IQGAP1: variants seen among roughly 807,000 people sequenced by gnomAD.
The protein encoded by IQGAP1 is ras GTPase-activating-like protein IQGAP1.
IQGAP1 carries 66 observed loss-of-function variants against 215.6 expected under a neutral mutation model. The ratio of observed to expected loss-of-function variants is 0.31; its 90% CI spans 0.25 to 0.38. IQGAP1 has a LOEUF of 0.38. IQGAP1 is among the 10% of genes least tolerant of loss of function. The probability of loss-of-function intolerance (pLI) is 1.00; values close to 1 mark genes in which losing one functional copy is unlikely to be tolerated. For synonymous variants in IQGAP1, 772 were observed against 728.7 expected (o/e 1.06, Z -0.96); for missense variants, 1,712 against 1,997.1 (o/e 0.86, Z 2.72).
chr15:90,411,061 G>A (rs1351315568), intron 2 of IQGAP1, among the ~76,000 whole-genome samples: 1 of 151,664 alleles, frequency 6.6e-6, no homozygotes, highest in East Asian at 1.9e-4. Flanking sequence ...TTTGAATTTC[G>A]AACTGTGTAT....
At chr15:90,456,608 C>G (rs1965683779) in intron 15 of IQGAP1, among the ~76,000 whole-genome samples, 1 of 151,650 alleles carries the variant, frequency 6.6e-6, no homozygotes. Context: ...CGCAGTGGCT[C>G]ACGCCTTGTA....
intron 10 of IQGAP1, among the ~76,000 whole-genome samples, chr15:90,449,169 GT>G (rs1011182563): frequency 8.2e-4 from 119 of 144,412 alleles, no homozygotes; most frequent in African/African-American, 1.2e-3. Flanking sequence ...TATTTCGTGG[GT>G]TTTTTTTTTT....
At chr15:90,484,024 A>G (rs1484854633) in intron 29 of IQGAP1, among the ~76,000 whole-genome samples, 196 bp from the exon 30 acceptor site, 3 of 152,194 alleles carry the variant, frequency 2.0e-5, no homozygotes, top group African/African-American at 7.2e-5. Flanking sequence ...TAAAACTACA[A>G]ACTAGGTGGA....
At chr15:90,485,501 G>A (rs1366616577) in intron 30 of IQGAP1, among the ~76,000 whole-genome samples, 8 of 151,972 alleles carry the variant, frequency 5.3e-5, no homozygotes, top group Non-Finnish European at 1.2e-4. Flanking sequence ...GTGCAATGGC[G>A]CAATCTTGGC....
intron 11 of IQGAP1, 109 bp downstream of exon 11, chr15:90,449,752 T>A: frequency 1.2e-6 from 1 of 807,572 alleles, no homozygotes; most frequent in Non-Finnish European, 1.9e-6. Context: ...CTACTAGCCA[T>A]AACCAACTGC....
intron 2 of IQGAP1, among the ~76,000 whole-genome samples, chr15:90,398,058 AT>A (rs1209525415): frequency 1.3e-5 from 2 of 150,332 alleles, no homozygotes; most frequent in African/African-American, 4.9e-5. Context: ...TAATTTTTGT[AT>A]TTTTTAGTGG....
At chr15:90,485,950 C>G (rs1159369613) in intron 30 of IQGAP1, 80 bp from the exon 31 acceptor site, 4 of 1,036,548 alleles carry the variant, frequency 3.9e-6, no homozygotes, top group Non-Finnish European at 5.8e-6. Context: ...CCTCTTTGTG[C>G]AGATCATTGT....
At chr15:90,412,041 A>T (rs993751284) in intron 2 of IQGAP1, among the ~76,000 whole-genome samples, 4 of 152,176 alleles carry the variant, frequency 2.6e-5, no homozygotes, top group African/African-American at 4.8e-5. Context: ...CTCCAATAAG[A>T]CCAGGGACTC....
chr15:90,422,534 ACTT>A (rs1435008611), intron 2 of IQGAP1, among the ~76,000 whole-genome samples: 1 of 150,532 alleles, frequency 6.6e-6, no homozygotes, highest in African/African-American at 2.4e-5. Flanking sequence ...TTTTATGTAA[ACTT>A]AAAGTCTTCA....
At chr15:90,472,099 C>T (rs931162481) in intron 18 of IQGAP1, among the ~76,000 whole-genome samples, 2 of 152,076 alleles carry the variant, frequency 1.3e-5, no homozygotes, top group African/African-American at 4.8e-5. Flanking sequence ...GGACTCACCT[C>T]TACAAAAAAT....
rs777222472 is a variant in IQGAP1, at chr15:90,388,440, A to AT, written c.55+46dup. 11 of 1,030,966 alleles carry AT rather than the reference A, an allele frequency of 1.1e-5. No individual in the cohort carries two copies. The South Asian group carries it at 1.5e-4, about 14-fold the overall frequency. The allele number at this position is 1,030,966 out of a possible 1,614,324, so 63.9% of individuals were successfully genotyped here. On this transcript the variant is annotated intron_variant, in intron 1 of 37. Coordinates refer to ENST00000268182, the MANE Select transcript of IQGAP1 (RefSeq NM_003870.4). ...GGCGCGGGGGCTTCGGGCTGGGCTA[A>AT]TTGCAGACGAGGCGCGATTTTCCTG...
chr15:90,396,185 G>T (rs1964716399), intron 2 of IQGAP1, among the ~76,000 whole-genome samples: 1 of 152,138 alleles, frequency 6.6e-6, no homozygotes, highest in South Asian at 2.1e-4. Flanking sequence ...TTTACTGTTG[G>T]CATAGAGCAT....
chr15:90,495,928 A>G (rs201993561), intron 36 of IQGAP1, among the ~76,000 whole-genome samples: 12 of 143,102 alleles, frequency 8.4e-5, no homozygotes, highest in East Asian at 1.9e-4. Context: ...TTATTATGTT[A>G]TTATTATTAT....
At chr15:90,474,253 C>T in intron 22 of IQGAP1, 120 bp downstream of exon 22, 1 of 931,952 alleles carries the variant, frequency 1.1e-6, no homozygotes, top group Non-Finnish European at 1.6e-6. Flanking sequence ...AGGGTGTGAC[C>T]TGTGACATAA....
intron 2 of IQGAP1, among the ~76,000 whole-genome samples, chr15:90,425,477 TTTTC>T (rs1965208604): frequency 6.6e-6 from 1 of 152,186 alleles, no homozygotes; most frequent in South Asian, 2.1e-4. Flanking sequence ...AGTTTTCTTT[TTTTC>T]TTTGTTTTAT....
chr15:90,444,243 CTGTGTGTGTGTGTGTGTGTGTG>C (rs34494521), intron 9 of IQGAP1, among the ~76,000 whole-genome samples: 1 of 126,944 alleles, frequency 7.9e-6, no homozygotes, highest in Admixed American at 8.4e-5. Context: ...TCCTTCAAAA[CTGTGTGTGTGTGTGTGTGTGTG>C]TGTGTGTGTG....
At chr15:90,462,224 T>A (rs1206248543) in intron 15 of IQGAP1, among the ~76,000 whole-genome samples, 2 of 152,228 alleles carry the variant, frequency 1.3e-5, no homozygotes, top group African/African-American at 4.8e-5. Flanking sequence ...TATGCACTTA[T>A]GCACACATGC....
intron 3 of IQGAP1, among the ~76,000 whole-genome samples, chr15:90,428,857 A>G (rs902856177): frequency 1.3e-5 from 2 of 151,846 alleles, no homozygotes; most frequent in African/African-American, 4.8e-5. Context: ...GAAAGCCCTG[A>G]TTGATTTTTT....
At chr15:90,474,852 G>A (rs959122207) in intron 23 of IQGAP1, 159 bp downstream of exon 23, 10 of 606,738 alleles carry the variant, frequency 1.6e-5, no homozygotes, top group Non-Finnish European at 2.6e-5. Context: ...TCACTCTGTT[G>A]CCCAGGTTGT....
Sources: gnomAD v4.1 joint callset for allele counts (sites outside exome capture counted in the v4.1 genomes callset) on GRCh38, gnomAD v4.1.1 for gene constraint, MANE v1.5 for transcripts, NCBI Gene and HGNC (gene_info 2026-07-23, HGNC 2026-07-21) for gene names.